NVL: variants seen among roughly 807,000 people sequenced by gnomAD.
NVL encodes the protein nuclear valosin-containing protein-like.
A neutral mutation model predicts 110.2 loss-of-function variants in NVL; 84 were observed. The ratio of observed to expected loss-of-function variants is 0.76; its 90% CI spans 0.64 to 0.91. The LOEUF (loss-of-function observed/expected upper bound fraction) is 0.91, where lower values mean the gene tolerates loss of function less well. Ranked by LOEUF, NVL falls within the 40% of genes least tolerant of loss-of-function variation. The pLI is 0.00. For synonymous variants in NVL, 354 were observed against 361.1 expected (o/e 0.98, Z 0.22); for missense variants, 882 against 1,035.9 (o/e 0.85, Z 2.04).
chr1:224,325,795 T>C (rs1671088720), intron 2 of NVL, among the ~76,000 whole-genome samples: 1 of 152,198 alleles, frequency 6.6e-6, no homozygotes, highest in Non-Finnish European at 1.5e-5. Flanking sequence ...TTTAATTTTC[T>C]TTCTTTTTTG....
intron 18 of NVL, among the ~76,000 whole-genome samples, chr1:224,256,379 C>T (rs977959288): frequency 1.5e-5 from 2 of 134,924 alleles, no homozygotes; most frequent in Admixed American, 8.5e-5. Context: ...GAGCCAAGAT[C>T]GTGCTACTGC....
At chr1:224,310,178 CAAA>C (rs1230097656) in intron 5 of NVL, among the ~76,000 whole-genome samples, 10 of 39,200 alleles carry the variant, frequency 2.6e-4, no homozygotes, top group East Asian at 6.9e-4. Context: ...GACTCCCTCG[CAAA>C]AAAAAAAAAA....
At chr1:224,269,942 T>TTTC (rs1251926485) in intron 17 of NVL, 2 of 149,450 alleles carry the variant, frequency 1.3e-5, no homozygotes, top group Non-Finnish European at 3.0e-5. Flanking sequence ...CTTTCTTTTT[T>TTTC]TTTTTTTTGT....
intron 11 of NVL, among the ~76,000 whole-genome samples, chr1:224,294,828 A>G (rs532855895): frequency 1.3e-5 from 2 of 152,334 alleles, no homozygotes; most frequent in East Asian, 1.9e-4. Flanking sequence ...ATATAGGCTA[A>G]TGGAATTCTA....
intron 18 of NVL, chr1:224,256,990 A>G (rs758148076): frequency 2.0e-6 from 1 of 493,196 alleles, no homozygotes; most frequent in South Asian, 1.5e-5. Flanking sequence ...TTATTCTTAC[A>G]GCTTCCCAAC....
At chr1:224,313,157 T>TC (rs1201355287) in intron 4 of NVL, 1 of 139,428 alleles carries the variant, frequency 7.2e-6, no homozygotes, top group Non-Finnish European at 1.3e-5. Flanking sequence ...AGACGCTGTC[T>TC]CAAAAAAAAA....
At chr1:224,308,684 C>G (rs1414008136) in intron 5 of NVL, among the ~76,000 whole-genome samples, 1 of 139,564 alleles carries the variant, frequency 7.2e-6, no homozygotes, top group African/African-American at 2.8e-5. Flanking sequence ...GAGTGAGACT[C>G]CATCTCAAAA....
At chr1:224,308,340 TAA>T in intron 5 of NVL, 77 bp from the exon 6 acceptor site, 1 of 1,304,918 alleles carries the variant, frequency 7.7e-7, no homozygotes, top group Non-Finnish European at 1.0e-6. Flanking sequence ...CCTATAGTAA[TAA>T]GTTTTCTATA....
intron 19 of NVL, among the ~76,000 whole-genome samples, chr1:224,245,818 T>C (rs1259186529): frequency 6.6e-6 from 1 of 151,778 alleles, no homozygotes; most frequent in Non-Finnish European, 1.5e-5. Flanking sequence ...CCGGGCGTGG[T>C]AGCACGTGCC....
intron 19 of NVL, among the ~76,000 whole-genome samples, chr1:224,245,721 C>T (rs544325912): frequency 3.3e-5 from 5 of 151,964 alleles, no homozygotes; most frequent in East Asian, 2.0e-4. Context: ...TTTGAGAGGC[C>T]GAGGTGGGTG....
chr1:224,290,807 A>G (rs1260137210), intron 12 of NVL, among the ~76,000 whole-genome samples: 1 of 151,098 alleles, frequency 6.6e-6, no homozygotes, highest in African/African-American at 2.4e-5. Context: ...GTCTCAAAAA[A>G]AAAAAAAAAA....
At chr1:224,291,831 AAAT>A (rs1274835127) in intron 12 of NVL, among the ~76,000 whole-genome samples, 1 of 152,206 alleles carries the variant, frequency 6.6e-6, no homozygotes, top group Non-Finnish European at 1.5e-5. Context: ...GGCTAACAGA[AAAT>A]AATATCGCCC....
intron 18 of NVL, among the ~76,000 whole-genome samples, chr1:224,258,851 G>C (rs986603975): frequency 1.3e-5 from 2 of 151,868 alleles, no homozygotes; most frequent in African/African-American, 4.8e-5. Flanking sequence ...TATATAGACA[G>C]AAAGTAGATG....
At chr1:224,281,772 G>C (rs1666359797) in intron 15 of NVL, among the ~76,000 whole-genome samples, 1 of 151,190 alleles carries the variant, frequency 6.6e-6, no homozygotes, top group African/African-American at 2.4e-5. Context: ...GACCAATATG[G>C]TGAAACCCCA....
chr1:224,294,013 C>T (rs951863313), intron 12 of NVL, among the ~76,000 whole-genome samples: 5 of 152,088 alleles, frequency 3.3e-5, no homozygotes, highest in African/African-American at 1.2e-4. Flanking sequence ...CTATGTTGCC[C>T]AGGCTCAAAA....
At chr1:224,229,117 A>G (rs1284337614) in intron 22 of NVL, among the ~76,000 whole-genome samples, 1 of 151,122 alleles carries the variant, frequency 6.6e-6, no homozygotes, top group Non-Finnish European at 1.5e-5. Context: ...CAACATGGAG[A>G]AACCCTGTCT....
chr1:224,310,160 C>T, intron 5 of NVL, among the ~76,000 whole-genome samples: 1 of 121,384 alleles, frequency 8.2e-6, no homozygotes, highest in Non-Finnish European at 1.6e-5. Flanking sequence ...GCCTGGGCGA[C>T]AGAGTGAGAC....
At chr1:224,237,305 C>T (rs1178354311) in intron 19 of NVL, among the ~76,000 whole-genome samples, 1 of 152,194 alleles carries the variant, frequency 6.6e-6, no homozygotes, top group Non-Finnish European at 1.5e-5. Flanking sequence ...GCAGTATCTG[C>T]TCTAAAATAA....
At chr1:224,289,759 T>C (rs1479350975) in intron 12 of NVL, 26 bp from the exon 13 acceptor site, 1 of 1,589,902 alleles carries the variant, frequency 6.3e-7, no homozygotes, top group Non-Finnish European at 8.6e-7. Flanking sequence ...GGGAAAAAAT[T>C]TCTGATTCCT....
Sources: allele counts gnomAD v4.1 joint callset (sites outside exome capture counted in the v4.1 genomes callset), GRCh38; gene constraint gnomAD v4.1.1; transcripts MANE v1.5; gene names NCBI Gene and HGNC (gene_info 2026-07-23, HGNC 2026-07-21).